CREB5: variants seen among roughly 807,000 people sequenced by gnomAD.
The protein encoded by CREB5 is cyclic AMP-responsive element-binding protein 5.
In CREB5, 19 loss-of-function variants were observed where a neutral mutation model predicts 57.1. The ratio of observed to expected loss-of-function variants is 0.33; its 90% CI spans 0.23 to 0.49. The LOEUF (loss-of-function observed/expected upper bound fraction) is 0.49. Ranked by LOEUF, CREB5 falls within the 20% of genes least tolerant of loss-of-function variation. CREB5 has a pLI of 0.99. For missense variants in CREB5, 579 were observed against 671.6 expected (o/e 0.86, Z 1.52); for synonymous variants, 238 against 238.3 (o/e 1.00, Z 0.01).
chr7:28,818,246 TTTGA>T, intron 10 of CREB5, 67 bp downstream of exon 10: 1 of 1,135,218 alleles, frequency 8.8e-7, no homozygotes, highest in South Asian at 1.3e-5. Context: ...TTGCACTGAA[TTTGA>T]TTGAAAGAGC....
intron 4 of CREB5, among the ~76,000 whole-genome samples, chr7:28,515,131 T>C (rs560383005): frequency 6.6e-6 from 1 of 152,254 alleles, no homozygotes; most frequent in Non-Finnish European, 1.5e-5. Flanking sequence ...TTAAATATAC[T>C]ATTAATGATA....
chr7:28,407,174 C>G (rs1335594551), intron 1 of CREB5, among the ~76,000 whole-genome samples: 1 of 152,018 alleles, frequency 6.6e-6, no homozygotes, highest in Admixed American at 6.6e-5. Context: ...CTCAGCCTCT[C>G]GAGTAGCTGA....
At chr7:28,621,760 C>T (rs918134187) in intron 5 of CREB5, among the ~76,000 whole-genome samples, 4 of 152,088 alleles carry the variant, frequency 2.6e-5, no homozygotes, top group African/African-American at 9.7e-5. Context: ...TGAAACTACA[C>T]CTGAAAGACA....
At chr7:28,368,748 T>C (rs903283445) in intron 1 of CREB5, among the ~76,000 whole-genome samples, 3 of 152,246 alleles carry the variant, frequency 2.0e-5, no homozygotes, top group South Asian at 2.1e-4. Context: ...AATATTCTAC[T>C]AGAAATTGAT....
intron 4 of CREB5, among the ~76,000 whole-genome samples, chr7:28,560,987 T>TGCGTGCGCGTGCGTGTGTGCGCGTGC (rs1212595303): frequency 1.6e-5 from 1 of 64,454 alleles, no homozygotes; most frequent in African/African-American, 4.6e-5. Context: ...TGTGCGTGCG[T>TGCGTGCGCGTGCGTGTGTGCGCGTGC]GTGTGTGCCT....
chr7:28,801,387 A>G (rs1447730849), intron 7 of CREB5, among the ~76,000 whole-genome samples: 1 of 152,226 alleles, frequency 6.6e-6, no homozygotes, highest in Admixed American at 6.5e-5. Flanking sequence ...TTAAAAAGGC[A>G]TGATGATTTC....
At chr7:28,775,829 T>C (rs905570270) in intron 7 of CREB5, among the ~76,000 whole-genome samples, 2 of 152,130 alleles carry the variant, frequency 1.3e-5, no homozygotes, top group African/African-American at 4.8e-5. Flanking sequence ...GACAGGTCAG[T>C]TGCCTATATA....
At chr7:28,492,117 A>G (rs1486843304) in intron 2 of CREB5, among the ~76,000 whole-genome samples, 1 of 152,180 alleles carries the variant, frequency 6.6e-6, no homozygotes, top group Non-Finnish European at 1.5e-5. Flanking sequence ...CTCCTGCCTC[A>G]GCCTCCTGAG....
intron 4 of CREB5, among the ~76,000 whole-genome samples, chr7:28,559,474 C>G (rs1157681370): frequency 2.0e-5 from 3 of 152,122 alleles, no homozygotes; most frequent in African/African-American, 7.2e-5. Flanking sequence ...GCCACCACAC[C>G]CAGCTAATTT....
intron 5 of CREB5, among the ~76,000 whole-genome samples, chr7:28,628,954 T>A (rs773555901): frequency 3.9e-5 from 6 of 152,156 alleles, no homozygotes; most frequent in Non-Finnish European, 8.8e-5. Context: ...AAACTTCCAA[T>A]GCCCCTTCTC....
intron 5 of CREB5, among the ~76,000 whole-genome samples, chr7:28,674,120 T>C (rs1229597303): frequency 1.3e-5 from 2 of 152,206 alleles, no homozygotes; most frequent in African/African-American, 4.8e-5. Flanking sequence ...GATTTTTTTT[T>C]TAAGTTCCTT....
At chr7:28,751,323 T>A (rs1804963588) in intron 7 of CREB5, among the ~76,000 whole-genome samples, 1 of 152,220 alleles carries the variant, frequency 6.6e-6, no homozygotes, top group African/African-American at 2.4e-5. Context: ...TTGCCACTGT[T>A]ATCACTTTGT....
In CREB5 at chr7:28,751,185, C is replaced by T. The variant is rs546048829; in HGVS notation, c.702+26853C>T. Among the ~76,000 whole-genome samples, 5 of 130,952 alleles carry T rather than the reference C, an allele frequency of 3.8e-5. No homozygotes were observed. The East Asian group carries it at 8.9e-4, about 23-fold the overall frequency. 85.9% of individuals were successfully genotyped at this position (130,952 alleles called of 152,430 possible). The stretch of plus-strand genomic sequence containing the variant: ...CGTCAGGAAGCAAAAGATGACTGCG[C>T]GTGAGCCAGGGGTGGGGGGTGGGGG... On this transcript the variant is annotated intron_variant, in intron 7 of 10. Coordinates refer to ENST00000357727, the MANE Select transcript of CREB5 (RefSeq NM_182898.4).
chr7:28,804,352 C>T lies in CREB5; in HGVS notation c.856C>T (p.Pro286Ser), dbSNP rs200155433. The change falls in exon 8 of 11, where the codon CCC (proline) becomes TCC (serine). Residue 286 changes from proline (P) to serine (S), a missense_variant. Pro to Ser is a moderately conservative substitution (Grantham distance 74). Around this residue, in one of 3 missense-constraint regions of CREB5, gnomAD observed 459 missense variants for 515.7 expected, o/e 0.89. Transcript: ENST00000357727. ...CCCGCATCAGCACCAGACACTGCCA[C>T]CCCATCACCCTTACCCACACCAGCA... ...SHPHQHQTLP[P>S]HHPYPHQHQH... 50 of 1,613,710 alleles carry T rather than the reference C, an allele frequency of 3.1e-5. 1 individual carries two copies. The Admixed American group carries it at 6.0e-4, about 19-fold the overall frequency.
chr7:28,756,163 G>T (rs1805284732), intron 7 of CREB5, among the ~76,000 whole-genome samples: 2 of 152,144 alleles, frequency 1.3e-5, no homozygotes, highest in South Asian at 4.1e-4. Flanking sequence ...CTGAGGTTCA[G>T]TGATGCTGTG....
intron 1 of CREB5, among the ~76,000 whole-genome samples, chr7:28,314,161 T>A (rs957847081): frequency 2.0e-5 from 3 of 152,208 alleles, no homozygotes; most frequent in African/African-American, 7.2e-5. Context: ...GATCCTGATG[T>A]TTCTTGTAGC....
At chr7:28,695,908 A>G (rs1331943423) in intron 5 of CREB5, among the ~76,000 whole-genome samples, 1 of 151,834 alleles carries the variant, frequency 6.6e-6, no homozygotes, top group Non-Finnish European at 1.5e-5. Flanking sequence ...GCACTTTGTG[A>G]CCACAGAAAA....
At chr7:28,677,129 G>A (rs1442770912) in intron 5 of CREB5, among the ~76,000 whole-genome samples, 1 of 152,108 alleles carries the variant, frequency 6.6e-6, no homozygotes, top group East Asian at 1.9e-4. Context: ...GGAAATCACA[G>A]CTCCTTTAGA....
chr7:28,572,491 A>G (rs1225308482), intron 5 of CREB5, among the ~76,000 whole-genome samples: 1 of 152,218 alleles, frequency 6.6e-6, no homozygotes, highest in African/African-American at 2.4e-5. Context: ...ATTCACAGTT[A>G]TGCCAGCTAA....
Sources: gnomAD v4.1 joint callset for allele counts (sites outside exome capture counted in the v4.1 genomes callset) on GRCh38, gnomAD v4.1.1 for gene constraint, gnomAD v4.1.1 regional missense constraint, MANE v1.5 for transcripts, NCBI Gene and HGNC (gene_info 2026-07-23, HGNC 2026-07-21) for gene names.